MYO1D: variants seen among roughly 807,000 people sequenced by gnomAD.
The protein encoded by MYO1D is myosin ID.
MYO1D carries 83 observed loss-of-function variants against 122.0 expected under a neutral mutation model. That is an observed-to-expected ratio of 0.68 (90% CI 0.57 to 0.82). The LOEUF (loss-of-function observed/expected upper bound fraction) is 0.82. Ranked by LOEUF, MYO1D falls within the 40% of genes least tolerant of loss-of-function variation. The pLI is 0.00. For missense variants in MYO1D, 1,157 were observed against 1,269.5 expected (o/e 0.91, Z 1.35); for synonymous variants, 464 against 446.9 (o/e 1.04, Z -0.48).
intron 10 of MYO1D, among the ~76,000 whole-genome samples, chr17:32,756,981 G>C (rs2089953423): frequency 6.6e-6 from 1 of 152,044 alleles, no homozygotes; most frequent in Non-Finnish European, 1.5e-5. Flanking sequence ...CTCAAAGAGG[G>C]GCAGCTTATG....
At chr17:32,766,968 C>T (rs768902960) in intron 7 of MYO1D, among the ~76,000 whole-genome samples, 1 of 152,176 alleles carries the variant, frequency 6.6e-6, no homozygotes, top group Non-Finnish European at 1.5e-5. Context: ...AGATCCTGCA[C>T]ATTTCTGATT....
At chr17:32,735,479 G>A (rs1292467946) in intron 14 of MYO1D, among the ~76,000 whole-genome samples, 2 of 152,134 alleles carry the variant, frequency 1.3e-5, no homozygotes, top group Non-Finnish European at 2.9e-5. Flanking sequence ...CGCCATGTCT[G>A]GCCTTGATGT....
chr17:32,639,037 A>C (rs2088149695), intron 19 of MYO1D, among the ~76,000 whole-genome samples: 1 of 152,242 alleles, frequency 6.6e-6, no homozygotes, highest in Non-Finnish European at 1.5e-5. Context: ...GAAAACAAGA[A>C]AACCACAGAA....
chr17:32,621,486 A>T (rs1286566982), intron 20 of MYO1D, among the ~76,000 whole-genome samples: 1 of 152,002 alleles, frequency 6.6e-6, no homozygotes, highest in African/African-American at 2.4e-5. Flanking sequence ...GAATTTATTG[A>T]ATGTGTGGAA....
At chr17:32,822,470 G>C (rs891196869) in intron 1 of MYO1D, among the ~76,000 whole-genome samples, 4 of 149,402 alleles carry the variant, frequency 2.7e-5, no homozygotes, top group African/African-American at 7.4e-5. Flanking sequence ...GGGCAGTGGT[G>C]GGGGGCGGGG....
At chr17:32,550,719 C>T (rs538353755) in intron 21 of MYO1D, among the ~76,000 whole-genome samples, 7 of 152,262 alleles carry the variant, frequency 4.6e-5, no homozygotes, top group African/African-American at 1.7e-4. Flanking sequence ...AAGTGGGCCA[C>T]GCACTGTGGC....
At chr17:32,840,316 T>A (rs753533944) in intron 1 of MYO1D, among the ~76,000 whole-genome samples, 48 of 152,274 alleles carry the variant, frequency 3.2e-4, no homozygotes, top group Admixed American at 7.8e-4. Context: ...AGGACCAAGA[T>A]AATTAGAACC....
chr17:32,766,284 C>T (rs2090056206), intron 7 of MYO1D, among the ~76,000 whole-genome samples: 1 of 152,116 alleles, frequency 6.6e-6, no homozygotes, highest in Non-Finnish European at 1.5e-5. Flanking sequence ...AACCATCTAC[C>T]AAATGTCCAG....
intron 21 of MYO1D, among the ~76,000 whole-genome samples, chr17:32,548,885 T>C (rs2086987606): frequency 6.6e-6 from 1 of 151,876 alleles, no homozygotes; most frequent in South Asian, 2.1e-4. Context: ...AGCTAATTTT[T>C]GTATTTTTAG....
intron 16 of MYO1D, among the ~76,000 whole-genome samples, chr17:32,672,901 G>C (rs2088742182): frequency 6.6e-6 from 1 of 151,746 alleles, no homozygotes; most frequent in South Asian, 2.1e-4. Flanking sequence ...AGAGGAAGTG[G>C]GTTTTGTACA....
intron 16 of MYO1D, among the ~76,000 whole-genome samples, chr17:32,676,470 T>A (rs2088811102): frequency 6.6e-6 from 1 of 152,114 alleles, no homozygotes; most frequent in Admixed American, 6.5e-5. Context: ...CATTTTGCCT[T>A]TTATCATTTC....
rs1309324930 is a variant in MYO1D, at chr17:32,785,537, C to T, written c.96-4753G>A. ...ATCTACCCATGCCATTTTTTTTGGC[C>T]TTTCACTATCTCCTTAGACAACTCC... On this transcript the variant is annotated intron_variant, in intron 1 of 21. Transcript: ENST00000318217. Among the ~76,000 whole-genome samples, 3 of 151,988 alleles carry T rather than the reference C, an allele frequency of 2.0e-5. No homozygotes were observed. The East Asian group carries it at 5.8e-4, about 29-fold the overall frequency.
At chr17:32,659,438 C>A in intron 16 of MYO1D, 100 bp from the exon 17 acceptor site, 1 of 1,246,076 alleles carries the variant, frequency 8.0e-7, no homozygotes, top group South Asian at 1.3e-5. Flanking sequence ...CTCAACCAGG[C>A]AACTTGCAAG....
chr17:32,692,604 T>A (rs1195654323), intron 16 of MYO1D, among the ~76,000 whole-genome samples: 1 of 152,200 alleles, frequency 6.6e-6, no homozygotes, highest in Non-Finnish European at 1.5e-5. Context: ...TAATACTTGT[T>A]ATCTAATTAT....
intron 1 of MYO1D, among the ~76,000 whole-genome samples, chr17:32,863,845 T>C (rs2470217): frequency 0.64 from 97,958 of 151,880 alleles, 33,000 homozygotes; most frequent in African/African-American, 0.86. Flanking sequence ...ATTTTAAGAC[T>C]GAGCCATTAA....
At chr17:32,840,897 G>C (rs2090873394) in intron 1 of MYO1D, among the ~76,000 whole-genome samples, 1 of 152,100 alleles carries the variant, frequency 6.6e-6, no homozygotes, top group African/African-American at 2.4e-5. Context: ...TGGTGCAAAA[G>C]TGATACACAT....
intron 14 of MYO1D, chr17:32,734,752 G>A (rs1229690250): frequency 6.6e-6 from 1 of 151,954 alleles, no homozygotes; most frequent in African/African-American, 2.4e-5. Context: ...GATGAAAACT[G>A]TATCTGTATA....
intron 21 of MYO1D, among the ~76,000 whole-genome samples, chr17:32,552,101 G>C (rs555282624): frequency 6.6e-6 from 1 of 152,076 alleles, no homozygotes; most frequent in Non-Finnish European, 1.5e-5. Flanking sequence ...GTTTGGACAG[G>C]GTCTTGCTTT....
chr17:32,682,616 G>A (rs2088937555), intron 16 of MYO1D, among the ~76,000 whole-genome samples: 1 of 146,798 alleles, frequency 6.8e-6, no homozygotes, highest in Non-Finnish European at 1.5e-5. Flanking sequence ...TCTGCCGAGA[G>A]ATCAGCTGTT....
Sources: allele counts gnomAD v4.1 joint callset (sites outside exome capture counted in the v4.1 genomes callset), GRCh38; gene constraint gnomAD v4.1.1; transcripts MANE v1.5; gene names NCBI Gene and HGNC (gene_info 2026-07-23, HGNC 2026-07-21).